Variants in GPC5 observed in about 807,000 individuals in gnomAD.
GPC5 encodes glypican-5.
In GPC5, 47 loss-of-function variants were observed where a neutral mutation model predicts 53.9. The observed-to-expected ratio is 0.87, with a 90% CI of 0.69 to 1.11. The LOEUF (loss-of-function observed/expected upper bound fraction) is 1.11, where lower values mean the gene tolerates loss of function less well. GPC5 is among the 50% of genes most tolerant of loss of function. The pLI is 0.00. For synonymous variants in GPC5, 286 were observed against 263.3 expected (o/e 1.09, Z -0.84); for missense variants, 748 against 713.1 (o/e 1.05, Z -0.56).
chr13:91,730,158 C>A (rs76973664), intron 4 of GPC5, among the ~76,000 whole-genome samples: 9,898 of 152,192 alleles, frequency 0.065, 321 homozygotes, highest in Middle Eastern at 0.088. Flanking sequence ...TTATGCATTT[C>A]AATTTTACAC....
intron 2 of GPC5, among the ~76,000 whole-genome samples, chr13:91,506,016 T>C (rs1396374339): frequency 1.3e-5 from 2 of 152,172 alleles, no homozygotes; most frequent in South Asian, 2.1e-4. Flanking sequence ...TTTGTGTTTC[T>C]ATTATGTGAT....
In GPC5 at chr13:91,982,513, G is replaced by C. The variant is rs1209160233; in HGVS notation, c.1401+74456G>C. 4.6e-5 allele frequency among the ~76,000 whole-genome samples: 7 copies of C among 152,104 alleles called. 1 individual carries two copies. Among genetic ancestry groups the C allele is most frequent in the Admixed American group, 4.6e-4 (7 of 15,266 alleles). ...AAAAAAGCAAAAAGGATTAGGGAAG[G>C]TATATATAATGAGTGGCTGCACAGT... On this transcript the variant is annotated intron_variant, in intron 6 of 7. Transcript: ENST00000377067.
At chr13:91,804,493 C>A (rs1262400999) in intron 5 of GPC5, among the ~76,000 whole-genome samples, 1 of 152,172 alleles carries the variant, frequency 6.6e-6, no homozygotes, top group African/African-American at 2.4e-5. Context: ...AATTTCTTGA[C>A]ATCTTTTGCT....
At chr13:91,550,188 G>A (rs951460058) in intron 2 of GPC5, among the ~76,000 whole-genome samples, 1 of 152,126 alleles carries the variant, frequency 6.6e-6, no homozygotes, top group Non-Finnish European at 1.5e-5. Context: ...TCTGGAAAGG[G>A]CCAAAGTGTA....
At chr13:92,750,653 A>T (rs896654541) in intron 7 of GPC5, among the ~76,000 whole-genome samples, 1 of 152,134 alleles carries the variant, frequency 6.6e-6, no homozygotes, top group Non-Finnish European at 1.5e-5. Context: ...TGGTAGTTAC[A>T]CTATTTTCTA....
At chr13:92,643,784 G>A (rs1217686349) in intron 7 of GPC5, among the ~76,000 whole-genome samples, 22 of 150,616 alleles carry the variant, frequency 1.5e-4, no homozygotes, top group African/African-American at 1.7e-4. Context: ...GCTAGATGAC[G>A]AGTTAGTGGG....
chr13:92,773,205 T>C (rs1480975494), intron 7 of GPC5, among the ~76,000 whole-genome samples: 1 of 152,202 alleles, frequency 6.6e-6, no homozygotes, highest in Non-Finnish European at 1.5e-5. Flanking sequence ...CTTTAATACT[T>C]ACTATCAGCT....
intron 7 of GPC5, among the ~76,000 whole-genome samples, chr13:92,213,190 A>G (rs147113167): frequency 4.6e-4 from 70 of 152,354 alleles, no homozygotes; most frequent in African/African-American, 1.5e-3. Context: ...TATGTCCTTT[A>G]GTTAACAGAT....
intron 7 of GPC5, among the ~76,000 whole-genome samples, chr13:92,592,060 C>T (rs1477999901): frequency 6.6e-6 from 1 of 152,204 alleles, no homozygotes; most frequent in East Asian, 1.9e-4. Context: ...TTGAAAGCCA[C>T]ACATCAGTGG....
intron 7 of GPC5, among the ~76,000 whole-genome samples, chr13:92,365,062 C>T (rs932143809): frequency 2.6e-5 from 4 of 151,614 alleles, no homozygotes; most frequent in African/African-American, 9.8e-5. Context: ...AATACAGTTA[C>T]GTATCACTTA....
intron 2 of GPC5, among the ~76,000 whole-genome samples, chr13:91,528,350 A>C (rs1372665254): frequency 6.6e-6 from 1 of 152,214 alleles, no homozygotes; most frequent in East Asian, 1.9e-4. Context: ...AAAGTTTCAC[A>C]GATCTCTAGG....
intron 6 of GPC5, among the ~76,000 whole-genome samples, chr13:92,096,052 CTG>C (rs2041419835): frequency 6.6e-6 from 1 of 152,224 alleles, no homozygotes; most frequent in East Asian, 1.9e-4. Context: ...TTCTTCTACT[CTG>C]TGTTTCACTG....
chr13:91,858,351 T>C (rs1238986322), intron 5 of GPC5, among the ~76,000 whole-genome samples: 1 of 151,858 alleles, frequency 6.6e-6, no homozygotes, highest in African/African-American at 2.4e-5. Context: ...TTCTATACAG[T>C]TTTTTGAAGA....
Position 92,174,184 on chromosome 13 carries a change from T to C in GPC5, c.1561+29195T>C, listed in dbSNP as rs373190335. Among the ~76,000 whole-genome samples the C allele has an allele frequency of 4.6e-5, 7 of 152,012 alleles. No homozygotes were observed. The South Asian group carries it at 1.0e-3, about 23-fold the overall frequency. On this transcript the variant is annotated intron_variant, in intron 7 of 7. Coordinates refer to ENST00000377067, the MANE Select transcript of GPC5 (RefSeq NM_004466.6). ...AGTCATCTTTACGTCATTAAAAAAA[T>C]ATGTGTCTATGTATATTTATTTCAT...
At chr13:92,685,637 G>A (rs1887250336) in intron 7 of GPC5, among the ~76,000 whole-genome samples, 1 of 107,454 alleles carries the variant, frequency 9.3e-6, no homozygotes. Flanking sequence ...ATGTATACAT[G>A]TGCCATGCTG....
intron 7 of GPC5, among the ~76,000 whole-genome samples, chr13:92,159,363 G>A (rs2139003507): frequency 6.6e-6 from 1 of 152,224 alleles, no homozygotes; most frequent in Non-Finnish European, 1.5e-5. Flanking sequence ...TAGCAGCTAG[G>A]ATAAACCCGT....
chr13:91,418,085 T>G (rs1210707311), intron 1 of GPC5, among the ~76,000 whole-genome samples: 1 of 152,138 alleles, frequency 6.6e-6, no homozygotes, highest in Non-Finnish European at 1.5e-5. Context: ...TTGTGCAATG[T>G]GTCCACACTG....
At chr13:91,645,596 C>T (rs529921977) in intron 2 of GPC5, among the ~76,000 whole-genome samples, 5 of 152,238 alleles carry the variant, frequency 3.3e-5, no homozygotes, top group South Asian at 2.1e-4. Flanking sequence ...TACAAATTTA[C>T]GTAAGATAGT....
chr13:92,085,528 T>G (rs543498573), intron 6 of GPC5, among the ~76,000 whole-genome samples: 1 of 152,184 alleles, frequency 6.6e-6, no homozygotes, highest in Non-Finnish European at 1.5e-5. Context: ...AGACAATTTT[T>G]TTCACAGACC....
Sources: allele counts gnomAD v4.1 joint callset (sites outside exome capture counted in the v4.1 genomes callset), GRCh38; gene constraint gnomAD v4.1.1; transcripts MANE v1.5; gene names NCBI Gene and HGNC (gene_info 2026-07-23, HGNC 2026-07-21).